The following COL4A4 variants were observed in gnomAD, a reference collection of about 807,000 sequenced individuals.
The protein encoded by COL4A4 is collagen alpha-4(IV) chain.
COL4A4 carries 105 observed loss-of-function variants against 192.9 expected under a neutral mutation model. The ratio of observed to expected loss-of-function variants is 0.54; its 90% confidence interval spans 0.46 to 0.64. The LOEUF (loss-of-function observed/expected upper bound fraction) is 0.64. Among genes scored for constraint, COL4A4 ranks in the 30% least tolerant of loss-of-function variants. COL4A4 has a pLI of 0.00. For synonymous variants in COL4A4, 762 were observed against 769.9 expected, an observed-to-expected ratio of 0.99 and a Z score of 0.17; for missense variants, 1,967 against 2,169.3, an observed-to-expected ratio of 0.91 and a Z score of 1.85.
intron 1 of COL4A4, among the ~76,000 whole-genome samples, chr2:227,160,159 A>G (rs187600013): frequency 2.0e-5 from 3 of 152,366 alleles, no homozygotes; most frequent in Admixed American, 6.5e-5. Flanking sequence ...GACACAAGAG[A>G]TAAAACAAAA....
chr2:227,022,868 G>A (rs1024909866), intron 43 of COL4A4, among the ~76,000 whole-genome samples: 5 of 152,148 alleles, frequency 3.3e-5, no homozygotes, highest in Non-Finnish European at 5.9e-5. Flanking sequence ...ATGAATACTG[G>A]GGCCCCATCT....
the COL4A4 span, chr2:226,969,229 T>A: frequency 6.6e-6 from 1 of 152,250 alleles, no homozygotes; most frequent in African/African-American, 2.4e-5. Flanking sequence ...GCCTGATTGT[T>A]GCAGACTTTG....
chr2:227,128,705 C>T (rs1376210334), intron 4 of COL4A4, among the ~76,000 whole-genome samples: 2 of 152,130 alleles, frequency 1.3e-5, no homozygotes, highest in Non-Finnish European at 2.9e-5. Flanking sequence ...TCCCATCTTA[C>T]CTTCCTCCCA....
chr2:227,078,345 C>T (rs1284583785), intron 24 of COL4A4, among the ~76,000 whole-genome samples: 3 of 152,020 alleles, frequency 2.0e-5, no homozygotes, highest in African/African-American at 7.2e-5. Flanking sequence ...CAGGTTCAAG[C>T]GATTCTCCTG....
At chr2:227,137,926 T>TA in intron 4 of COL4A4, among the ~76,000 whole-genome samples, 1 of 152,294 alleles carries the variant, frequency 6.6e-6, no homozygotes, top group Admixed American at 6.5e-5. Context: ...TTTTTCTATA[T>TA]AATGTGCACA....
At position 227,101,862 on chromosome 2, in the gene COL4A4, T is replaced by C. The variant is rs1021254254; in HGVS notation, c.975+3A>G. 4 of 1,582,378 alleles carry C rather than the reference T, an allele frequency of 2.5e-6. No homozygotes were observed. Among genetic ancestry groups the C allele is most frequent in the African/African-American group, 2.7e-5 (2 of 74,288 alleles). On this transcript the variant is annotated splice_donor_region_variant and intron_variant, in intron 16 of 47. Coordinates refer to ENST00000396625, the MANE Select transcript of COL4A4 (RefSeq NM_000092.5). ...TATTATCTCTATAATGAGGTACATT[T>C]ACCTTTAATCCTGGAAAACCTGGAG... is the stretch of plus-strand genomic sequence containing the variant.
chr2:227,059,735 CTAAAAT>C (rs977577700), intron 27 of COL4A4, 112 bp from the exon 28 acceptor site: 2 of 851,020 alleles, frequency 2.4e-6, no homozygotes, highest in Non-Finnish European at 3.9e-6. Context: ...GGGGTACTTA[CTAAAAT>C]TAAGAGCAGT....
At position 227,047,792 on chromosome 2, in the gene COL4A4, T is replaced by C. The variant is rs185795599; in HGVS notation, c.3215-243A>G. ...TTAGAATACATCACAATCATAAGGA[T>C]CTCCAGGTATTGATAAGTTTGAGTT... On this transcript the variant is annotated intron_variant, in intron 34 of 47. Coordinates refer to ENST00000396625, the MANE Select transcript of COL4A4 (RefSeq NM_000092.5). Among the ~76,000 whole-genome samples the C allele has an allele frequency of 1.4e-3, 211 of 149,018 alleles. 1 individual carries two copies. The highest frequency in any genetic ancestry group is 4.9e-3 in the African/African-American group (200 of 40,582).
At position 227,033,583 on chromosome 2, in the gene COL4A4, GC is replaced by G. The variant is rs1968893766; in HGVS notation, c.3506-103del. On this transcript the variant is annotated intron_variant, in intron 37 of 47. Coordinates refer to ENST00000396625, the MANE Select transcript of COL4A4 (RefSeq NM_000092.5). ...GCCCAGCAGAGGGCGCGTTGCTGGG[GC>G]CAGCAAACAGCTCTGAGCGTCTGGA... 6.3e-6 allele frequency: 6 copies of G among 948,832 alleles called. No homozygotes were observed. The African/African-American group carries it at 8.0e-5, about 13-fold the overall frequency. The allele number at this position is 948,832 out of a possible 1,614,324, so 58.8% of individuals were successfully genotyped here.
At chr2:227,073,146 C>T (rs2058819389) in intron 25 of COL4A4, among the ~76,000 whole-genome samples, 1 of 151,982 alleles carries the variant, frequency 6.6e-6, no homozygotes, top group African/African-American at 2.4e-5. Flanking sequence ...CTTACAAAAT[C>T]CTAAGGATTC....
chr2:227,163,215 T>C (rs971069159), intron 1 of COL4A4, among the ~76,000 whole-genome samples: 1 of 152,228 alleles, frequency 6.6e-6, no homozygotes, highest in Non-Finnish European at 1.5e-5. Flanking sequence ...GTCCTTCCCT[T>C]ATGAGCACAG....
At chr2:227,041,764 A>G (rs1413135972) in intron 37 of COL4A4, among the ~76,000 whole-genome samples, 1 of 118,376 alleles carries the variant, frequency 8.4e-6, no homozygotes, top group Non-Finnish European at 1.7e-5. Context: ...GGAAGGAAGG[A>G]AGGAAGGAAG....
At chr2:227,145,225 A>G (rs2063471357) in intron 2 of COL4A4, among the ~76,000 whole-genome samples, 2 of 152,158 alleles carry the variant, frequency 1.3e-5, no homozygotes, top group Non-Finnish European at 1.5e-5. Context: ...AGGTGGGCGG[A>G]TCACCTGAAG....
chr2:227,050,228 G>A (rs1360144916), intron 33 of COL4A4, 97 bp from the exon 34 acceptor site: 2 of 1,207,940 alleles, frequency 1.7e-6, no homozygotes, highest in East Asian at 2.3e-5. Context: ...AACTAATTTG[G>A]TTTTTGTAAT....
chr2:226,979,580 C>G, the COL4A4 span, among the ~76,000 whole-genome samples: 1 of 152,158 alleles, frequency 6.6e-6, no homozygotes, highest in Non-Finnish European at 1.5e-5. Flanking sequence ...GGAGAGGAAG[C>G]AAGCATCCCG....
chr2:227,110,473 T>A (rs1257172778), intron 9 of COL4A4, among the ~76,000 whole-genome samples: 1 of 152,098 alleles, frequency 6.6e-6, no homozygotes, highest in African/African-American at 2.4e-5. Flanking sequence ...ATCTTCTGCC[T>A]CCTGAGTTTT....
chr2:227,083,995 T>C (rs2059454370), intron 22 of COL4A4, among the ~76,000 whole-genome samples: 2 of 152,264 alleles, frequency 1.3e-5, no homozygotes, highest in South Asian at 4.1e-4. Context: ...AAAAAGTATG[T>C]CCACACATAA....
At chr2:227,016,304 C>T (rs56410698) in intron 44 of COL4A4, among the ~76,000 whole-genome samples, 11,953 of 152,260 alleles carry the variant, frequency 0.079, 519 homozygotes, top group East Asian at 0.18. Flanking sequence ...GTCACGTGTT[C>T]ATTCACCAAA....
chr2:227,134,141 C>T (rs1282860613), intron 4 of COL4A4, among the ~76,000 whole-genome samples: 1 of 152,032 alleles, frequency 6.6e-6, no homozygotes, highest in Non-Finnish European at 1.5e-5. Flanking sequence ...TTTAAAAATT[C>T]TGAATTCTGA....
Sources: allele counts gnomAD v4.1 joint callset (sites outside exome capture counted in the v4.1 genomes callset), GRCh38; gene constraint gnomAD v4.1.1; transcripts MANE v1.5; gene names NCBI Gene and HGNC (gene_info 2026-07-23, HGNC 2026-07-21).